Variants in TMEM108 observed in about 807,000 individuals in gnomAD.
The protein encoded by TMEM108 is transmembrane protein 108.
Under a neutral mutation model 35.1 loss-of-function variants are expected in TMEM108, and 12 were observed. That is an observed-to-expected ratio of 0.34 (90% confidence interval 0.22 to 0.55). The LOEUF is 0.55. TMEM108 is among the 20% of genes least tolerant of loss of function. The pLI, the probability that TMEM108 is intolerant of heterozygous loss-of-function variation, is 0.89. For synonymous variants in TMEM108, 287 were observed against 308.6 expected, an observed-to-expected ratio of 0.93 and a Z score of 0.73; for missense variants, 680 against 753.3, an observed-to-expected ratio of 0.90 and a Z score of 1.14.
At chr3:133,390,076 A>G (rs2073211831) in intron 4 of TMEM108, 104 bp from the exon 5 acceptor site, 1 of 1,407,216 alleles carries the variant, frequency 7.1e-7, no homozygotes, top group Non-Finnish European at 9.8e-7. Flanking sequence ...TTTTCCCACC[A>G]TACACTTACT....
At chr3:133,365,199 T>A (rs1178895722) in intron 3 of TMEM108, among the ~76,000 whole-genome samples, 1 of 152,110 alleles carries the variant, frequency 6.6e-6, no homozygotes, top group African/African-American at 2.4e-5. Flanking sequence ...GGGGAAGGAA[T>A]CTGGGTAGTG....
At chr3:133,088,539 A>G (rs1943910555) in intron 2 of TMEM108, among the ~76,000 whole-genome samples, 1 of 152,212 alleles carries the variant, frequency 6.6e-6, no homozygotes, top group African/African-American at 2.4e-5. Flanking sequence ...AGGTCCTTGT[A>G]TTCTGCTCCT....
intron 3 of TMEM108, among the ~76,000 whole-genome samples, chr3:133,271,373 C>G (rs1946769393): frequency 6.6e-6 from 1 of 152,182 alleles, no homozygotes; most frequent in Admixed American, 6.5e-5. Context: ...ATTTTTTAAC[C>G]TTTTCAATAC....
intron 2 of TMEM108, among the ~76,000 whole-genome samples, chr3:133,110,967 T>G (rs935831721): frequency 2.0e-5 from 3 of 152,188 alleles, no homozygotes; most frequent in Non-Finnish European, 4.4e-5. Flanking sequence ...ATGGAAAGAT[T>G]TGAAGTCAGG....
At chr3:133,382,213 T>G (rs2107845378) in intron 4 of TMEM108, among the ~76,000 whole-genome samples, 1 of 152,146 alleles carries the variant, frequency 6.6e-6, no homozygotes, top group South Asian at 2.1e-4. Context: ...CACCCTCATA[T>G]CCCCGCTCCT....
intron 2 of TMEM108, among the ~76,000 whole-genome samples, chr3:133,145,187 G>A (rs1363899035): frequency 6.6e-6 from 1 of 152,184 alleles, no homozygotes; most frequent in Non-Finnish European, 1.5e-5. Flanking sequence ...CATATGACTA[G>A]CCAGTTTTCC....
chr3:133,214,761 G>A (rs1187157527), intron 2 of TMEM108, among the ~76,000 whole-genome samples: 3 of 152,164 alleles, frequency 2.0e-5, no homozygotes, highest in African/African-American at 7.2e-5. Flanking sequence ...TGCAGGTGAG[G>A]GAGCATTACC....
chr3:133,318,452 A>G (rs761474335), intron 3 of TMEM108, among the ~76,000 whole-genome samples: 3 of 152,248 alleles, frequency 2.0e-5, no homozygotes, highest in Non-Finnish European at 4.4e-5. Context: ...AGGTAATTGG[A>G]AAATGAAAAG....
chr3:133,069,844 T>C (rs1428297605), intron 2 of TMEM108, among the ~76,000 whole-genome samples: 1 of 152,194 alleles, frequency 6.6e-6, no homozygotes, highest in African/African-American at 2.4e-5. Context: ...ATGTGTACAT[T>C]GTTCAGTCTC....
At chr3:133,378,654 T>A in intron 3 of TMEM108, 30 of 435,874 alleles carry the variant, frequency 6.9e-5, no homozygotes, top group Non-Finnish European at 8.9e-5. Flanking sequence ...CATGTCATGC[T>A]TGCATGAGGT....
At chr3:133,324,373 A>G (rs140427494) in intron 3 of TMEM108, among the ~76,000 whole-genome samples, 4,658 of 152,238 alleles carry the variant, frequency 0.031, 214 homozygotes, top group African/African-American at 0.098. Context: ...TGAATAGACA[A>G]TTTTCAAAAG....
intron 2 of TMEM108, among the ~76,000 whole-genome samples, chr3:133,198,892 A>G (rs1945619076): frequency 1.3e-5 from 2 of 152,114 alleles, no homozygotes; most frequent in South Asian, 4.1e-4. Flanking sequence ...GTGTTTTCCA[A>G]CTTGGTTCCA....
intron 2 of TMEM108, among the ~76,000 whole-genome samples, chr3:133,048,639 A>T (rs1316218169): frequency 6.6e-6 from 1 of 152,216 alleles, no homozygotes; most frequent in Non-Finnish European, 1.5e-5. Flanking sequence ...CCCTGTGATT[A>T]TTAGACTTGC....
intron 2 of TMEM108, among the ~76,000 whole-genome samples, chr3:133,217,681 G>C (rs1321059666): frequency 6.6e-6 from 1 of 151,968 alleles, no homozygotes; most frequent in African/African-American, 2.4e-5. Flanking sequence ...TTATTGAAGA[G>C]ATTGTCCTTT....
At chr3:133,049,642 A>G (rs1421432963) in intron 2 of TMEM108, among the ~76,000 whole-genome samples, 1 of 152,190 alleles carries the variant, frequency 6.6e-6, no homozygotes. Flanking sequence ...CCATGGGTAC[A>G]TCTCTGACAT....
intron 2 of TMEM108, among the ~76,000 whole-genome samples, chr3:133,177,915 C>G (rs1235700781): frequency 1.3e-5 from 2 of 152,118 alleles, no homozygotes; most frequent in African/African-American, 4.8e-5. Context: ...TAGAAAACCC[C>G]ATCGTCTCAG....
chr3:133,251,643 T>C (rs1181309431), intron 3 of TMEM108, among the ~76,000 whole-genome samples: 1 of 152,138 alleles, frequency 6.6e-6, no homozygotes, highest in Non-Finnish European at 1.5e-5. Context: ...AGGGAAGAGA[T>C]ATTGGATAGG....
At chr3:133,319,173 G>A in intron 3 of TMEM108, among the ~76,000 whole-genome samples, 1 of 152,108 alleles carries the variant, frequency 6.6e-6, no homozygotes, top group Non-Finnish European at 1.5e-5. Context: ...CCCCATGGTA[G>A]CTACGGCAAG....
chr3:133,045,077 C>T (rs567297837), intron 1 of TMEM108, among the ~76,000 whole-genome samples: 4 of 151,786 alleles, frequency 2.6e-5, no homozygotes, highest in Non-Finnish European at 5.9e-5. Context: ...ACGCCATTCT[C>T]CTGCCTCAGC....
Sources: gnomAD v4.1 joint callset for allele counts (sites outside exome capture counted in the v4.1 genomes callset) on GRCh38, gnomAD v4.1.1 for gene constraint, MANE v1.5 for transcripts, NCBI Gene and HGNC (gene_info 2026-07-23, HGNC 2026-07-21) for gene names.